GRID1: variants seen among roughly 807,000 people sequenced by gnomAD.
The protein encoded by GRID1 is glutamate ionotropic receptor delta type subunit 1.
A neutral mutation model predicts 98.0 loss-of-function variants in GRID1; 28 were observed. That is an observed-to-expected ratio of 0.29 (90% CI 0.21 to 0.39). GRID1 has a LOEUF of 0.39. Among genes scored for constraint, GRID1 ranks in the 10% least tolerant of loss-of-function variants. The pLI is 1.00. For missense variants in GRID1, 1,111 were observed against 1,340.5 expected (o/e 0.83, Z 2.67); for synonymous variants, 553 against 538.5 (o/e 1.03, Z -0.37).
chr10:85,959,143 G>A (rs974120657), intron 4 of GRID1, among the ~76,000 whole-genome samples: 2 of 152,138 alleles, frequency 1.3e-5, no homozygotes, highest in African/African-American at 2.4e-5. Context: ...TTTCCTGACT[G>A]CACATCTTGG....
intron 2 of GRID1, among the ~76,000 whole-genome samples, chr10:86,348,396 C>G (rs929495443): frequency 1.3e-5 from 2 of 152,224 alleles, no homozygotes; most frequent in Admixed American, 1.3e-4. Context: ...GAAGAGCGTA[C>G]AGAACTGAGA....
intron 4 of GRID1, among the ~76,000 whole-genome samples, chr10:85,971,867 A>G (rs1842412690): frequency 6.6e-6 from 1 of 152,154 alleles, no homozygotes; most frequent in African/African-American, 2.4e-5. Flanking sequence ...GTGGGTGCAT[A>G]TGCCCACCAA....
intron 5 of GRID1, among the ~76,000 whole-genome samples, chr10:85,879,885 A>T (rs1840976799): frequency 6.6e-6 from 1 of 152,148 alleles, no homozygotes; most frequent in Non-Finnish European, 1.5e-5. Flanking sequence ...CAAGACTAAT[A>T]AAGAAGAAAA....
intron 10 of GRID1, 82 bp from the exon 11 acceptor site, chr10:85,724,758 TC>T: frequency 9.2e-7 from 1 of 1,083,938 alleles, no homozygotes; most frequent in African/African-American, 1.5e-5. Flanking sequence ...CCACCCTCTG[TC>T]CTTTGAGTTG....
chr10:86,319,734 C>T (rs1345155937), intron 2 of GRID1, among the ~76,000 whole-genome samples: 3 of 152,236 alleles, frequency 2.0e-5, no homozygotes, highest in Admixed American at 6.5e-5. Context: ...AAGTTGCTGA[C>T]GAGGACAGGG....
intron 4 of GRID1, among the ~76,000 whole-genome samples, chr10:86,002,213 T>C (rs748780992): frequency 2.0e-5 from 3 of 152,210 alleles, no homozygotes; most frequent in South Asian, 2.1e-4. Flanking sequence ...CATGAGGTGA[T>C]ACAATTCAAC....
chr10:85,833,231 C>A (rs1842884611), intron 8 of GRID1, among the ~76,000 whole-genome samples: 1 of 152,164 alleles, frequency 6.6e-6, no homozygotes, highest in African/African-American at 2.4e-5. Context: ...CCTCCTTTCC[C>A]TAGAGGCAGG....
At chr10:86,203,119 A>G (rs964120892) in intron 3 of GRID1, among the ~76,000 whole-genome samples, 8 of 152,232 alleles carry the variant, frequency 5.3e-5, no homozygotes, top group Non-Finnish European at 8.8e-5. Flanking sequence ...ATGAAGTAAA[A>G]TACATAAAGG....
chr10:85,987,161 G>C (rs914651402), intron 4 of GRID1, among the ~76,000 whole-genome samples: 2 of 152,028 alleles, frequency 1.3e-5, no homozygotes, highest in African/African-American at 4.8e-5. Flanking sequence ...ACCCAGCCCA[G>C]TAGCCTCAGG....
chr10:85,670,660 G>A (rs777242101), intron 12 of GRID1, among the ~76,000 whole-genome samples: 24 of 152,032 alleles, frequency 1.6e-4, no homozygotes, highest in Non-Finnish European at 3.1e-4. Flanking sequence ...TCTCCTGCTC[G>A]TGGCCAACTG....
chr10:86,162,185 T>G (rs897524805), intron 3 of GRID1, among the ~76,000 whole-genome samples: 3 of 152,104 alleles, frequency 2.0e-5, no homozygotes, highest in African/African-American at 7.2e-5. Context: ...CCTCCACACC[T>G]TTTGGGGCTT....
chr10:86,092,207 G>A (rs1433021188), intron 4 of GRID1, among the ~76,000 whole-genome samples: 4 of 152,226 alleles, frequency 2.6e-5, no homozygotes, highest in Admixed American at 2.6e-4. Flanking sequence ...AGAGAAAGGT[G>A]AAGCCCAATG....
intron 13 of GRID1, among the ~76,000 whole-genome samples, chr10:85,632,223 C>A (rs1040814348): frequency 6.6e-6 from 1 of 152,200 alleles, no homozygotes; most frequent in South Asian, 2.1e-4. Flanking sequence ...CTGCCCTCCA[C>A]CCTTTTCCAC....
At chr10:86,193,554 C>G (rs1336670470) in intron 3 of GRID1, among the ~76,000 whole-genome samples, 2 of 152,130 alleles carry the variant, frequency 1.3e-5, no homozygotes, top group East Asian at 3.9e-4. Flanking sequence ...TGCCATAGTA[C>G]CCAGGGTGGG....
intron 5 of GRID1, among the ~76,000 whole-genome samples, chr10:85,902,947 T>C (rs1218487053): frequency 1.3e-5 from 2 of 152,168 alleles, no homozygotes; most frequent in Admixed American, 6.5e-5. Flanking sequence ...CTGGTCAGCA[T>C]CCATGGTGAG....
chr10:85,949,003 G>A (rs1471049284), intron 4 of GRID1, among the ~76,000 whole-genome samples: 1 of 152,082 alleles, frequency 6.6e-6, no homozygotes, highest in Non-Finnish European at 1.5e-5. Flanking sequence ...TACACAAACT[G>A]GAGAGGAGAG....
At chr10:86,150,329 G>C (rs1200603699) in intron 3 of GRID1, among the ~76,000 whole-genome samples, 1 of 152,176 alleles carries the variant, frequency 6.6e-6, no homozygotes, top group Non-Finnish European at 1.5e-5. Context: ...CGGCTTGTGA[G>C]GAAGGCTAAC....
intron 13 of GRID1, among the ~76,000 whole-genome samples, chr10:85,623,970 C>T (rs1403982293): frequency 6.6e-6 from 1 of 152,132 alleles, no homozygotes; most frequent in African/African-American, 2.4e-5. Flanking sequence ...TTGCAGGTGT[C>T]CCAGAGTCCC....
At chr10:86,135,828 G>A (rs886199000) in intron 4 of GRID1, among the ~76,000 whole-genome samples, 2 of 152,250 alleles carry the variant, frequency 1.3e-5, no homozygotes, top group Admixed American at 6.5e-5. Context: ...TTTGCAAAAT[G>A]TAAAAGATTC....
Sources: gnomAD v4.1 joint callset for allele counts (sites outside exome capture counted in the v4.1 genomes callset) on GRCh38, gnomAD v4.1.1 for gene constraint, MANE v1.5 for transcripts, NCBI Gene and HGNC (gene_info 2026-07-23, HGNC 2026-07-21) for gene names.